The following ZEB1 variants were observed in gnomAD, a reference collection of about 807,000 sequenced individuals.
ZEB1 encodes zinc finger E-box-binding homeobox 1.
Under a neutral mutation model 84.9 loss-of-function variants are expected in ZEB1, and 21 were observed. The observed-to-expected ratio is 0.25, with a 90% confidence interval of 0.18 to 0.36. ZEB1 has a LOEUF of 0.36. Ranked by LOEUF, ZEB1 falls within the 10% of genes least tolerant of loss-of-function variation. ZEB1 has a pLI of 1.00. For synonymous variants in ZEB1, 420 were observed against 471.1 expected, an observed-to-expected ratio of 0.89 and a Z score of 1.41; for missense variants, 1,104 against 1,330.2, an observed-to-expected ratio of 0.83 and a Z score of 2.65.
Position 31,514,202 on chromosome 10 carries a change from G to C in ZEB1, c.688-401G>C, listed in dbSNP as rs1362747502. On this transcript the variant is annotated intron_variant, in intron 5 of 8. Transcript: ENST00000424869. ...GAGTGAGCTTTAGACAGGTTATTCA[G>C]TATTTGTGGATGCGGTTTCTATATC... Among the ~76,000 whole-genome samples, 4 of 152,112 alleles carry C rather than the reference G, an allele frequency of 2.6e-5. No individual in the cohort carries two copies. The East Asian group carries it at 7.7e-4, about 29-fold the overall frequency.
intron 1 of ZEB1, chr10:31,321,559 G>A (rs1345347172): frequency 5.0e-6 from 8 of 1,613,984 alleles, no homozygotes; most frequent in African/African-American, 1.3e-5. Context: ...AGAGCTGTTC[G>A]CTTTTTACCT....
chr10:31,429,726 G>A (rs991837878), intron 1 of ZEB1, among the ~76,000 whole-genome samples: 11 of 144,890 alleles, frequency 7.6e-5, no homozygotes, highest in African/African-American at 2.6e-4. Context: ...AATACTTACA[G>A]GCAGAACTTT....
chr10:31,442,989 A>G (rs542101373), intron 1 of ZEB1, among the ~76,000 whole-genome samples: 1 of 152,338 alleles, frequency 6.6e-6, no homozygotes, highest in South Asian at 2.1e-4. Flanking sequence ...GGACTGAGAT[A>G]TAGAATTAGG....
At chr10:31,370,770 A>C (rs969298952) in intron 1 of ZEB1, among the ~76,000 whole-genome samples, 4 of 152,198 alleles carry the variant, frequency 2.6e-5, no homozygotes, top group Non-Finnish European at 5.9e-5. Flanking sequence ...GTGGTTCTTA[A>C]GAGGTCTTGA....
chr10:31,525,750 T>C (rs985588475), intron 8 of ZEB1, among the ~76,000 whole-genome samples: 1 of 152,224 alleles, frequency 6.6e-6, no homozygotes, highest in Non-Finnish European at 1.5e-5. Context: ...TGGAAGGTTC[T>C]TGGAGCTAAA....
At chr10:31,324,781 T>G (rs904171142) in intron 1 of ZEB1, among the ~76,000 whole-genome samples, 2 of 152,054 alleles carry the variant, frequency 1.3e-5, no homozygotes, top group African/African-American at 4.8e-5. Context: ...ATAAAATGAT[T>G]TTTTAAACTA....
chr10:31,453,086 C>T (rs1004978569), intron 1 of ZEB1, among the ~76,000 whole-genome samples: 1 of 152,060 alleles, frequency 6.6e-6, no homozygotes, highest in Admixed American at 6.6e-5. Flanking sequence ...GAAAGATTTT[C>T]TCTTTCTTTT....
At chr10:31,444,492 C>T (rs1372944166) in intron 1 of ZEB1, among the ~76,000 whole-genome samples, 1 of 151,692 alleles carries the variant, frequency 6.6e-6, no homozygotes, top group African/African-American at 2.4e-5. Flanking sequence ...CTTGCCCATG[C>T]CTATGTCCTG....
chr10:31,327,564 C>A lies in ZEB1; in HGVS notation c.58+8272C>A, dbSNP rs565183451. 3.3e-5 allele frequency among the ~76,000 whole-genome samples: 5 copies of A among 152,264 alleles called. No homozygotes were observed. The East Asian group carries it at 9.6e-4, about 29-fold the overall frequency. ...CTAATGGCAGATTCCCAGATTGACT[C>A]CAATTCTTAGATACCAATAATTCTG... On this transcript the variant is annotated intron_variant, in intron 1 of 8. Coordinates refer to ENST00000424869, the MANE Select transcript of ZEB1 (RefSeq NM_001174096.2).
At chr10:31,483,571 T>C (rs1227146423) in intron 2 of ZEB1, among the ~76,000 whole-genome samples, 1 of 152,068 alleles carries the variant, frequency 6.6e-6, no homozygotes, top group Admixed American at 6.6e-5. Context: ...TATATTCTTT[T>C]TAATTTCCCA....
intron 1 of ZEB1, among the ~76,000 whole-genome samples, chr10:31,370,287 A>AT (rs2045462845): frequency 6.6e-6 from 1 of 152,124 alleles, no homozygotes; most frequent in Non-Finnish European, 1.5e-5. Context: ...ACCCAATCCA[A>AT]TGAAAAAGGG....
intron 1 of ZEB1, among the ~76,000 whole-genome samples, chr10:31,362,141 C>G (rs1203118206): frequency 3.3e-5 from 5 of 151,378 alleles, no homozygotes; most frequent in Non-Finnish European, 7.4e-5. Context: ...CAGAGGCGCT[C>G]CTTGTTTCCC....
At chr10:31,339,437 G>A (rs1373065712) in intron 1 of ZEB1, among the ~76,000 whole-genome samples, 1 of 152,066 alleles carries the variant, frequency 6.6e-6, no homozygotes, top group Non-Finnish European at 1.5e-5. Flanking sequence ...TAAATAAAAA[G>A]GAAAGCTCTT....
intron 1 of ZEB1, among the ~76,000 whole-genome samples, chr10:31,459,762 G>A (rs1445991030): frequency 2.0e-5 from 3 of 147,954 alleles, no homozygotes; most frequent in South Asian, 4.3e-4. Flanking sequence ...TGGAGTTTTG[G>A]TTATTTGTTT....
At chr10:31,324,130 T>C (rs1252488745) in intron 1 of ZEB1, among the ~76,000 whole-genome samples, 2 of 152,020 alleles carry the variant, frequency 1.3e-5, no homozygotes, top group African/African-American at 2.4e-5. Flanking sequence ...ACGAGATACA[T>C]TGTAGCATGG....
In ZEB1 at chr10:31,502,511, T is replaced by C. The variant is rs1158727666; in HGVS notation, c.484+2T>C. The C allele has an allele frequency of 1.9e-6, 3 of 1,613,648 alleles. No homozygotes were observed. Among genetic ancestry groups the C allele is most frequent in the South Asian group, 1.1e-5 (1 of 91,078 alleles). ...AAGCCAGTGGTCATGATGAAAATGG[T>C]AAATGGATCTTAACAGTTGTGTTTC... On this transcript the variant is annotated splice_donor_variant, in intron 4 of 8. Coordinates refer to ENST00000424869, the MANE Select transcript of ZEB1 (RefSeq NM_001174096.2). LOFTEE classifies it high-confidence loss of function.
At position 31,449,832 on chromosome 10, in the gene ZEB1, G is replaced by T. The variant is rs190473741; in HGVS notation, c.59-11205G>T. ...TAATAATACCAACAGTATGTATCAAGAATATATGTGCAGTATTACCAAGTG... is the reference window on the plus strand; with the variant it reads ...TAATAATACCAACAGTATGTATCAATAATATATGTGCAGTATTACCAAGTG... On this transcript the variant is annotated intron_variant, in intron 1 of 8. Coordinates refer to ENST00000424869, the MANE Select transcript of ZEB1 (RefSeq NM_001174096.2). 7.0e-3 allele frequency among the ~76,000 whole-genome samples: 1,063 copies of T among 152,206 alleles called. 11 individuals carry two copies. Among genetic ancestry groups the T allele is most frequent in the African/African-American group, 0.024 (977 of 41,510 alleles).
At chr10:31,451,239 A>G (rs992087715) in intron 1 of ZEB1, among the ~76,000 whole-genome samples, 6 of 152,328 alleles carry the variant, frequency 3.9e-5, no homozygotes, top group Admixed American at 1.3e-4. Context: ...TTTGGACAAA[A>G]TATTTAAAAA....
chr10:31,454,392 G>A (rs763319554), intron 1 of ZEB1, among the ~76,000 whole-genome samples: 4 of 152,144 alleles, frequency 2.6e-5, no homozygotes, highest in Non-Finnish European at 5.9e-5. Flanking sequence ...ATTCAACATA[G>A]TGTTGGAATT....
Sources: allele counts gnomAD v4.1 joint callset (sites outside exome capture counted in the v4.1 genomes callset), GRCh38; gene constraint gnomAD v4.1.1; transcripts MANE v1.5; gene names NCBI Gene and HGNC (gene_info 2026-07-23, HGNC 2026-07-21).